RFC3: variants seen among roughly 807,000 people sequenced by gnomAD.
The protein encoded by RFC3 is A1 38 kDa subunit.
Under a neutral mutation model 45.1 loss-of-function variants are expected in RFC3, and 41 were observed. The observed-to-expected ratio is 0.91, with a 90% confidence interval of 0.71 to 1.18. The LOEUF is 1.18. RFC3 is among the 50% of genes most tolerant of loss of function. The pLI is 0.00. For missense variants in RFC3, 423 were observed against 428.1 expected (o/e 0.99, Z 0.10); for synonymous variants, 149 against 144.0 (o/e 1.03, Z -0.25).
chr13:33,960,574 T>G (rs1404357810), intron 8 of RFC3, among the ~76,000 whole-genome samples: 1 of 152,212 alleles, frequency 6.6e-6, no homozygotes, highest in East Asian at 1.9e-4. Flanking sequence ...CATCTAAGAT[T>G]TCTGGTCATG....
At chr13:33,848,082 A>G (rs1454337571) in intron 8 of RFC3, 1 of 152,146 alleles carries the variant, frequency 6.6e-6, no homozygotes, top group Non-Finnish European at 1.5e-5. Flanking sequence ...ATGAGCTCAA[A>G]CTTTAGCTGA....
chr13:33,882,770 T>G (rs2082493896), intron 8 of RFC3, among the ~76,000 whole-genome samples: 1 of 152,252 alleles, frequency 6.6e-6, no homozygotes, highest in Non-Finnish European at 1.5e-5. Context: ...TTCTTTTATA[T>G]TCACACTTTC....
In RFC3 at chr13:33,849,842, A is replaced by C. The variant is rs2082264809; in HGVS notation, c.879+14625A>C. On this transcript the variant is annotated intron_variant, in intron 8 of 8. Transcript: ENST00000434425. ...TAGTGAGCCGAGATTGCACCACCAC[A>C]CTCCAGCCTGGACTACAGAGTAAGA... is the stretch of plus-strand genomic sequence containing the variant. The C allele has an allele frequency of 5.3e-5, 8 of 152,246 alleles. No individual in the cohort carries two copies. The South Asian group carries it at 1.7e-3, about 32-fold the overall frequency. 9.4% of individuals were successfully genotyped at this position (152,246 alleles called of 1,614,324 possible).
At position 33,863,026 on chromosome 13, in the gene RFC3, C is replaced by T. The variant is rs141120153; in HGVS notation, c.879+27809C>T. On this transcript the variant is annotated intron_variant, in intron 8 of 8. Coordinates refer to the RFC3 transcript ENST00000434425. ...GTTGTGAAAATAATTTTCTGGAGGT[C>T]CTTACATATAGTGTTTCCCACAGAG... Among the ~76,000 whole-genome samples, 587 of 152,220 alleles carry T rather than the reference C, an allele frequency of 3.9e-3. 2 individuals are homozygous for T. Among genetic ancestry groups the T allele is most frequent in the Admixed American group, 7.2e-3 (110 of 15,270 alleles).
rs567169389 is a variant in RFC3 at position 33,909,051 on chromosome 13, A to T, written c.880-57036A>T. 1.3e-3 allele frequency among the ~76,000 whole-genome samples: 199 copies of T among 152,144 alleles called. 1 individual carries two copies. The highest frequency in any genetic ancestry group is 3.4e-3 in the Middle Eastern group (1 of 294). On this transcript the variant is annotated intron_variant, in intron 8 of 8. Transcript: ENST00000434425. ...CTTATCCAGAGTAATGTTCTCCCAA[A>T]TGTCTGGGTACCCCAGGTCCACTCA...
In RFC3 at chr13:33,824,809, T is replaced by G. The variant is rs370623337; in HGVS notation, c.293+825T>G. On this transcript the variant is annotated intron_variant, in intron 3 of 8. Transcript: ENST00000380071. ...CTTAAAACAACCCTAACAGATAGGTTTTATTATTTTCTCTAGGCATCTCAA... is the reference window on the plus strand; with the variant it reads ...CTTAAAACAACCCTAACAGATAGGTGTTATTATTTTCTCTAGGCATCTCAA... Among the ~76,000 whole-genome samples the G allele has an allele frequency of 1.2e-4, 18 of 152,280 alleles. 1 individual carries two copies. The highest frequency in any genetic ancestry group is 7.2e-4 in the Admixed American group (11 of 15,300).
intron 8 of RFC3, among the ~76,000 whole-genome samples, chr13:33,862,613 A>G (rs2082348311): frequency 6.6e-6 from 1 of 152,178 alleles, no homozygotes. Flanking sequence ...ATAGGTTAAA[A>G]TATACAGGTA....
In RFC3 at chr13:33,819,760, A is replaced by G. The variant is rs3135545; in HGVS notation, c.88-1372A>G. Among the ~76,000 whole-genome samples, 7 of 152,358 alleles carry G rather than the reference A, an allele frequency of 4.6e-5. No homozygotes were observed. In the South Asian group the frequency reaches 1.5e-3, roughly 32 times the overall value. ...TTTGGAATGTATATTTTGGACATGA[A>G]TTTAATATAATGGTCTTATGTGTTA... On this transcript the variant is annotated intron_variant, in intron 1 of 8. Coordinates refer to ENST00000380071, the MANE Select transcript of RFC3 (RefSeq NM_002915.4).
intron 8 of RFC3, among the ~76,000 whole-genome samples, chr13:33,947,142 C>G (rs2082959319): frequency 2.0e-5 from 3 of 152,194 alleles, no homozygotes; most frequent in Non-Finnish European, 4.4e-5. Context: ...CCACCCAAAT[C>G]TCACTTTGAA....
intron 8 of RFC3, among the ~76,000 whole-genome samples, chr13:33,884,512 GTC>G (rs1308506643): frequency 6.6e-6 from 1 of 152,152 alleles, no homozygotes; most frequent in African/African-American, 2.4e-5. Context: ...CTTCTGAATT[GTC>G]TCTGACCGTC....
chr13:33,835,974 A>C (rs904985508), intron 8 of RFC3, 130 bp from the exon 9 acceptor site: 1 of 1,006,802 alleles, frequency 9.9e-7, no homozygotes, highest in Non-Finnish European at 1.4e-6. Flanking sequence ...GTTGATTCAC[A>C]TAAAAAATTA....
At chr13:33,833,352 A>G (rs928310184) in intron 7 of RFC3, among the ~76,000 whole-genome samples, 1 of 152,080 alleles carries the variant, frequency 6.6e-6, no homozygotes, top group Non-Finnish European at 1.5e-5. Flanking sequence ...TATGAGAAAA[A>G]TATTAACTTT....
intron 8 of RFC3, chr13:33,847,513 T>C (rs2082246850): frequency 6.6e-6 from 1 of 152,124 alleles, no homozygotes; most frequent in African/African-American, 2.4e-5. Flanking sequence ...TGTTATCTAC[T>C]GTAAGATTGT....
At chr13:33,896,386 C>CA (rs1489534318) in intron 8 of RFC3, among the ~76,000 whole-genome samples, 1 of 151,860 alleles carries the variant, frequency 6.6e-6, no homozygotes, top group African/African-American at 2.4e-5. Flanking sequence ...GTTAAACTCT[C>CA]AATGTTCAAA....
chr13:33,826,118 A>G (rs972502814), intron 4 of RFC3, among the ~76,000 whole-genome samples: 1 of 152,200 alleles, frequency 6.6e-6, no homozygotes, highest in African/African-American at 2.4e-5. Flanking sequence ...CATGATTTTA[A>G]AATAATTGTT....
At chr13:33,834,298 G>GTGTGCATATATA (rs1302839326) in intron 7 of RFC3, among the ~76,000 whole-genome samples, 1 of 109,220 alleles carries the variant, frequency 9.2e-6, no homozygotes, top group Admixed American at 1.0e-4. Context: ...TGTACTGTGT[G>GTGTGCATATATA]TATATATATA....
chr13:33,914,627 G>T (rs893527817), intron 8 of RFC3, among the ~76,000 whole-genome samples: 5 of 152,106 alleles, frequency 3.3e-5, no homozygotes, highest in Admixed American at 3.3e-4. Context: ...AAAGCTGCTT[G>T]TATGAAGATA....
At chr13:33,831,822 G>C (rs2082107690) in intron 7 of RFC3, among the ~76,000 whole-genome samples, 1 of 152,036 alleles carries the variant, frequency 6.6e-6, no homozygotes, top group Non-Finnish European at 1.5e-5. Context: ...TCATTTTAGA[G>C]TTTTATCTTC....
At chr13:33,866,116 G>C (rs991814170) in intron 8 of RFC3, among the ~76,000 whole-genome samples, 3 of 152,200 alleles carry the variant, frequency 2.0e-5, no homozygotes, top group African/African-American at 7.2e-5. Context: ...ACCAGAGACA[G>C]TAGTTCTTGG....
Sources: allele counts gnomAD v4.1 joint callset (sites outside exome capture counted in the v4.1 genomes callset), GRCh38; gene constraint gnomAD v4.1.1; transcripts MANE v1.5; gene names NCBI Gene and HGNC (gene_info 2026-07-23, HGNC 2026-07-21).